The following XPR1 variants were observed in gnomAD, a reference collection of about 807,000 sequenced individuals.
XPR1 encodes xenotropic and polytropic retrovirus receptor 1, also known as solute carrier family 53 member 1.
XPR1 carries 28 observed loss-of-function variants against 87.5 expected under a neutral mutation model. That is an observed-to-expected ratio of 0.32 (90% CI 0.24 to 0.44). XPR1 has a LOEUF of 0.44. Among genes scored for constraint, XPR1 ranks in the 20% least tolerant of loss-of-function variants. XPR1 has a pLI of 1.00. For synonymous variants in XPR1, 300 were observed against 306.1 expected, an observed-to-expected ratio of 0.98 and a Z score of 0.21; for missense variants, 559 against 862.3, an observed-to-expected ratio of 0.65 and a Z score of 4.41.
At chr1:180,779,799 A>G (rs1257930995) in intron 2 of XPR1, among the ~76,000 whole-genome samples, 1 of 152,090 alleles carries the variant, frequency 6.6e-6, no homozygotes, top group Non-Finnish European at 1.5e-5. Context: ...CCACTATCTA[A>G]TTCAAGAACA....
rs561250650 is a variant in XPR1 at position 180,876,283 on chromosome 1, A to G, written c.1808+2341A>G. Among the ~76,000 whole-genome samples, 22 of 152,320 alleles carry G rather than the reference A, an allele frequency of 1.4e-4. No homozygotes were observed. In the South Asian group the frequency reaches 4.1e-3, roughly 29 times the overall value. On this transcript the variant is annotated intron_variant, in intron 13 of 14. Coordinates refer to ENST00000367590, the MANE Select transcript of XPR1 (RefSeq NM_004736.4). Reference sequence around the variant, plus strand: ...GAAATATTAGCATATGAATTCAACAATATATAAAAAGGGTAATACAAGTTA... The same window carrying G: ...GAAATATTAGCATATGAATTCAACAGTATATAAAAAGGGTAATACAAGTTA...
chr1:180,713,899 AAAAG>A (rs966861581), intron 2 of XPR1, among the ~76,000 whole-genome samples: 15 of 152,258 alleles, frequency 9.9e-5, no homozygotes, highest in African/African-American at 3.4e-4. Flanking sequence ...TAAACTAATG[AAAAG>A]AAAGAATTCT....
intron 2 of XPR1, among the ~76,000 whole-genome samples, chr1:180,779,925 C>G (rs1209926882): frequency 2.6e-5 from 4 of 152,090 alleles, no homozygotes; most frequent in African/African-American, 4.8e-5. Flanking sequence ...ATTCGTACAA[C>G]ATGTGATCTT....
At chr1:180,798,237 G>C (rs746657503) in intron 3 of XPR1, among the ~76,000 whole-genome samples, 2 of 152,026 alleles carry the variant, frequency 1.3e-5, no homozygotes, top group Non-Finnish European at 2.9e-5. Flanking sequence ...CATTAAAATT[G>C]ACTAGGCATT....
intron 3 of XPR1, among the ~76,000 whole-genome samples, chr1:180,796,068 A>C (rs1435575631): frequency 1.3e-5 from 2 of 152,132 alleles, no homozygotes; most frequent in African/African-American, 4.8e-5. Context: ...TCGGCCTCCA[A>C]AAGTGCTGGG....
chr1:180,858,240 A>G (rs184369419), intron 11 of XPR1, among the ~76,000 whole-genome samples: 1 of 152,278 alleles, frequency 6.6e-6, no homozygotes, highest in East Asian at 1.9e-4. Context: ...CAAAAAATAT[A>G]GCAAAATTAA....
In XPR1 at chr1:180,877,321, G is replaced by A. The variant is rs972021259; in HGVS notation, c.1809-2755G>A. Among the ~76,000 whole-genome samples the A allele has an allele frequency of 2.0e-5, 3 of 152,220 alleles. 1 individual carries two copies. The highest frequency in any genetic ancestry group is 2.0e-4 in the Admixed American group (3 of 15,292). Reference sequence around the variant, plus strand: ...GAGTAAGACAGTATATGGTGTTGGTGAAAGGATAGACAATCCACTGGAACA... The same window carrying A: ...GAGTAAGACAGTATATGGTGTTGGTAAAAGGATAGACAATCCACTGGAACA... On this transcript the variant is annotated intron_variant, in intron 13 of 14. Transcript: ENST00000367590.
In XPR1 at chr1:180,672,409, TC is replaced by T. The variant is rs1656211114; in HGVS notation, c.70-9950del. 2.6e-5 allele frequency among the ~76,000 whole-genome samples: 4 copies of T among 152,282 alleles called. No individual in the cohort carries two copies. The South Asian group carries it at 8.3e-4, about 32-fold the overall frequency. On this transcript the variant is annotated intron_variant, in intron 1 of 14. Transcript: ENST00000367590. ...ATATGAGAATTTGTGTAAGAGTTTT[TC>T]TTGGCTTTGCTGATTTTATTTCTAT...
At chr1:180,648,772 TG>T (rs1303721749) in intron 1 of XPR1, among the ~76,000 whole-genome samples, 1 of 152,180 alleles carries the variant, frequency 6.6e-6, no homozygotes, top group Non-Finnish European at 1.5e-5. Flanking sequence ...CCTCCCAAAG[TG>T]CTGGAATTAC....
intron 1 of XPR1, among the ~76,000 whole-genome samples, chr1:180,644,925 G>A (rs1655063972): frequency 6.6e-6 from 1 of 152,016 alleles, no homozygotes; most frequent in Admixed American, 6.6e-5. Context: ...GCTGAGGGGA[G>A]ACAGTGACAC....
chr1:180,664,873 C>T (rs1343761713), intron 1 of XPR1, among the ~76,000 whole-genome samples: 1 of 152,188 alleles, frequency 6.6e-6, no homozygotes, highest in Non-Finnish European at 1.5e-5. Context: ...ATTAGAGTCT[C>T]ACAAGGAGCA....
chr1:180,793,755 A>G (rs939842752), intron 3 of XPR1, among the ~76,000 whole-genome samples: 2 of 152,262 alleles, frequency 1.3e-5, no homozygotes, highest in East Asian at 1.9e-4. Context: ...ATTGTCCACA[A>G]TAAATTTTCC....
chr1:180,757,904 C>G (rs1318446611), intron 2 of XPR1, among the ~76,000 whole-genome samples: 2 of 110,082 alleles, frequency 1.8e-5, no homozygotes, highest in Non-Finnish European at 3.6e-5. Flanking sequence ...AAAGCCTGTA[C>G]ATACCCCTAT....
chr1:180,712,807 AAAAT>A (rs573258351), intron 2 of XPR1, among the ~76,000 whole-genome samples: 16 of 152,254 alleles, frequency 1.1e-4, no homozygotes, highest in South Asian at 1.0e-3. Flanking sequence ...CTCTGTCTCA[AAAAT>A]AAATAAATAA....
intron 2 of XPR1, among the ~76,000 whole-genome samples, chr1:180,754,110 C>A (rs1647633418): frequency 6.6e-6 from 1 of 152,190 alleles, no homozygotes; most frequent in East Asian, 1.9e-4. Context: ...GTTTCATTTT[C>A]TTCATTGCCA....
intron 2 of XPR1, among the ~76,000 whole-genome samples, chr1:180,777,447 T>C (rs1285789428): frequency 6.6e-6 from 1 of 152,214 alleles, no homozygotes; most frequent in Non-Finnish European, 1.5e-5. Flanking sequence ...TCAGATAGAC[T>C]GTAGACTGTA....
intron 2 of XPR1, among the ~76,000 whole-genome samples, chr1:180,708,207 G>A (rs148172299): frequency 6.6e-6 from 1 of 152,310 alleles, no homozygotes; most frequent in Non-Finnish European, 1.5e-5. Context: ...GATGTAATCA[G>A]TAGCCAGTGG....
chr1:180,688,479 TAGATTAGGGGA>T (rs1296592870), intron 2 of XPR1, among the ~76,000 whole-genome samples: 1 of 152,118 alleles, frequency 6.6e-6, no homozygotes, highest in Non-Finnish European at 1.5e-5. Context: ...TACATGGCAG[TAGATTAGGGGA>T]TTAAAGTGAC....
intron 1 of XPR1, among the ~76,000 whole-genome samples, chr1:180,660,600 G>C (rs1207939926): frequency 6.8e-6 from 1 of 147,128 alleles, no homozygotes; most frequent in African/African-American, 2.5e-5. Flanking sequence ...TCTGTTCATT[G>C]AGCCACTGGT....
Sources: allele counts gnomAD v4.1 joint callset (sites outside exome capture counted in the v4.1 genomes callset), GRCh38; gene constraint gnomAD v4.1.1; transcripts MANE v1.5; gene names NCBI Gene and HGNC (gene_info 2026-07-23, HGNC 2026-07-21).